Variants in INPP5D observed in about 807,000 individuals in gnomAD.
INPP5D encodes inositol polyphosphate-5-phosphatase D, also known as phosphatidylinositol 3,4,5-trisphosphate 5-phosphatase 1.
Under a neutral mutation model 122.9 loss-of-function variants are expected in INPP5D, and 33 were observed. The ratio of observed to expected loss-of-function variants is 0.27; its 90% confidence interval spans 0.20 to 0.36. The LOEUF (loss-of-function observed/expected upper bound fraction) is 0.36, where lower values mean the gene tolerates loss of function less well. Ranked by LOEUF, INPP5D falls within the 10% of genes least tolerant of loss-of-function variation. The pLI, the probability that INPP5D is intolerant of heterozygous loss-of-function variation, is 1.00. For missense variants in INPP5D, 1,053 were observed against 1,412.7 expected (o/e 0.75, Z 4.08); for synonymous variants, 584 against 576.2 (o/e 1.01, Z -0.19).
At chr2:233,138,049 G>C (rs1440578684) in intron 5 of INPP5D, among the ~76,000 whole-genome samples, 1 of 65,990 alleles carries the variant, frequency 1.5e-5, no homozygotes, top group Non-Finnish European at 3.2e-5. Context: ...ACAGCACCTA[G>C]ATTAAATAAA....
At position 233,190,079 on chromosome 2, in the gene INPP5D, C is replaced by G. The variant is rs140644624; in HGVS notation, c.2446+142C>G. ...CTCATCCCAGGGCTGCTAGTGGGAC[C>G]GTCACCACTAAGTCATCCTTCCCTC... On this transcript the variant is annotated intron_variant, in intron 22 of 26. Coordinates refer to ENST00000445964, the MANE Select transcript of INPP5D (RefSeq NM_001017915.3). The G allele has an allele frequency of 1.2e-3, 1,651 of 1,333,880 alleles. 19 individuals are homozygous for G. In the African/African-American group the frequency reaches 0.021, roughly 17 times the overall value. 82.6% of individuals were successfully genotyped at this position (1,333,880 alleles called of 1,614,324 possible). A position where few individuals can be genotyped will look rare whatever the true frequency, so the allele number is the denominator to read the frequency against.
chr2:233,071,645 G>A (rs1261390716), intron 1 of INPP5D, among the ~76,000 whole-genome samples: 1 of 152,044 alleles, frequency 6.6e-6, no homozygotes, highest in Admixed American at 6.5e-5. Context: ...TGACATTTTG[G>A]TAATATTCAG....
At chr2:233,173,538 CTG>C (rs1475253260) in intron 17 of INPP5D, among the ~76,000 whole-genome samples, 2 of 152,038 alleles carry the variant, frequency 1.3e-5, no homozygotes, top group African/African-American at 4.8e-5. Flanking sequence ...CATTGTACAG[CTG>C]TACAGAAATA....
intron 18 of INPP5D, among the ~76,000 whole-genome samples, chr2:233,181,026 G>T (rs748630513): frequency 1.3e-5 from 2 of 152,174 alleles, no homozygotes; most frequent in Non-Finnish European, 2.9e-5. Flanking sequence ...TCCTGTCTCA[G>T]AGAAGGGGTA....
intron 17 of INPP5D, among the ~76,000 whole-genome samples, chr2:233,176,481 G>A (rs1284457636): frequency 0.37 from 11 of 30 alleles, no homozygotes; most frequent in African/African-American, 0.5. Context: ...GGATAGGTGG[G>A]TGAATGGGTG....
chr2:233,149,781 T>C (rs892711786), intron 9 of INPP5D, among the ~76,000 whole-genome samples: 1 of 152,096 alleles, frequency 6.6e-6, no homozygotes, highest in African/African-American at 2.4e-5. Flanking sequence ...AGTTTACTCT[T>C]CTGTCCAGCA....
At chr2:233,158,995 T>G (rs1694129473) in intron 10 of INPP5D, among the ~76,000 whole-genome samples, 2 of 152,118 alleles carry the variant, frequency 1.3e-5, no homozygotes, top group Admixed American at 1.3e-4. Flanking sequence ...TTTCCCAGGC[T>G]GGTCTCGAAC....
At chr2:233,186,680 C>CTTT (rs1694925017) in intron 21 of INPP5D, among the ~76,000 whole-genome samples, 1 of 27,538 alleles carries the variant, frequency 3.6e-5, no homozygotes, top group African/African-American at 1.1e-4. Context: ...TTCTTTTTCT[C>CTTT]TTTCTTTTTT....
intron 9 of INPP5D, among the ~76,000 whole-genome samples, chr2:233,154,954 A>C (rs1694008271): frequency 6.6e-6 from 1 of 152,208 alleles, no homozygotes; most frequent in Non-Finnish European, 1.5e-5. Context: ...AACCGTTGTC[A>C]CGGAGGCCTG....
rs1693240957 is a variant in INPP5D, at chr2:233,128,894, A to C, written c.525-1614A>C. 1.3e-5 allele frequency among the ~76,000 whole-genome samples: 2 copies of C among 152,152 alleles called. No individual in the cohort carries two copies. The highest frequency in any genetic ancestry group is 2.9e-5 in the Non-Finnish European group (2 of 68,028). ...TATCAAGCCTGGAATAAAAATCTTT[A>C]AGGCGGCTGGGCAGGGTGGTTCACA... On this transcript the variant is annotated intron_variant, in intron 4 of 26. Coordinates refer to ENST00000445964, the MANE Select transcript of INPP5D (RefSeq NM_001017915.3). This position sits in a 1 kb window ranked among gnomAD's most constrained non-coding sequence, Gnocchi z 4.5.
chr2:233,149,509 G>A (rs1693867576), intron 9 of INPP5D, among the ~76,000 whole-genome samples: 2 of 152,154 alleles, frequency 1.3e-5, no homozygotes, highest in South Asian at 4.1e-4. Context: ...TTGGAGACAG[G>A]ATGCTCTGTC....
intron 25 of INPP5D, among the ~76,000 whole-genome samples, chr2:233,203,011 G>A (rs990260777): frequency 6.6e-6 from 1 of 152,210 alleles, no homozygotes; most frequent in Non-Finnish European, 1.5e-5. Context: ...GGCTTCCAGG[G>A]AGAGGACTTC....
At chr2:233,113,269 C>T (rs990516303) in intron 2 of INPP5D, among the ~76,000 whole-genome samples, 2 of 152,154 alleles carry the variant, frequency 1.3e-5, no homozygotes, top group Non-Finnish European at 2.9e-5. Context: ...GCTGCTCCCT[C>T]GTCCCCACTG....
rs57412586 is a variant in INPP5D at position 233,116,248 on chromosome 2, GATAGAT to G, written c.199-5825_199-5820del. ...ATGTAGATAGATAGATAGATAGATA[GATAGAT>G]ATAGATATAGATATAGATATAGATA... On this transcript the variant is annotated intron_variant, in intron 2 of 26. Coordinates refer to ENST00000445964, the MANE Select transcript of INPP5D (RefSeq NM_001017915.3). 1.9e-3 allele frequency among the ~76,000 whole-genome samples: 252 copies of G among 135,228 alleles called. 1 individual carries two copies. Among genetic ancestry groups the G allele is most frequent in the South Asian group, 7.5e-3 (32 of 4,262 alleles). 88.7% of individuals were successfully genotyped at this position (135,228 alleles called of 152,430 possible). A position where few individuals can be genotyped will look rare whatever the true frequency, so the allele number is the denominator to read the frequency against.
intron 2 of INPP5D, among the ~76,000 whole-genome samples, chr2:233,118,273 G>A (rs1050028684): frequency 2.0e-5 from 3 of 152,216 alleles, no homozygotes; most frequent in Admixed American, 6.5e-5. Context: ...CTCGGCCATC[G>A]TACCCTGATG....
intron 25 of INPP5D, among the ~76,000 whole-genome samples, chr2:233,201,847 C>A (rs1559349681): frequency 6.6e-6 from 1 of 152,168 alleles, no homozygotes; most frequent in Non-Finnish European, 1.5e-5. Context: ...TCATTTGCTG[C>A]AGGAATCAAC....
chr2:233,163,786 C>T lies in INPP5D; in HGVS notation c.1320C>T (p.Asp440=). ...GAAAGACGCGGGACGACTCTGCGGA[C>T]TACATCCCCCATGACATTTACGTGA... is the stretch of plus-strand genomic sequence containing the variant. ...GQGKTRDDSA[D]YIPHDIYVIG... The change falls in exon 12 of 27, where the codon GAC becomes GAT. Residue 440 remains aspartate, a synonymous_variant. Coordinates refer to ENST00000445964, the MANE Select transcript of INPP5D (RefSeq NM_001017915.3). 6.2e-7 allele frequency: 1 copy of T among 1,614,006 alleles called. No individual in the cohort carries two copies.
chr2:233,187,414 A>G (rs970067861), intron 21 of INPP5D, among the ~76,000 whole-genome samples: 6 of 152,062 alleles, frequency 3.9e-5, no homozygotes, highest in East Asian at 1.9e-4. Context: ...CCCCTAGGAG[A>G]TTCCCTCAGA....
intron 6 of INPP5D, chr2:233,141,501 A>T (rs2106274446): frequency 6.6e-6 from 1 of 152,236 alleles, no homozygotes; most frequent in East Asian, 1.9e-4. Context: ...CGGGAGGTGG[A>T]CGTTGCAGTG....
Sources: gnomAD v4.1 joint callset for allele counts (sites outside exome capture counted in the v4.1 genomes callset) on GRCh38, gnomAD v4.1.1 for gene constraint, Gnocchi (gnomAD v3.1) non-coding constraint, MANE v1.5 for transcripts, NCBI Gene and HGNC (gene_info 2026-07-23, HGNC 2026-07-21) for gene names.